Variants in GLI3 observed in about 807,000 individuals in gnomAD.
GLI3 encodes the protein transcription activator GLI3.
A neutral mutation model predicts 100.8 loss-of-function variants in GLI3; 20 were observed. That is an observed-to-expected ratio of 0.20 (90% CI 0.14 to 0.29). GLI3 has a LOEUF of 0.29. GLI3 is among the 10% of genes least tolerant of loss of function. The pLI is 1.00. For synonymous variants in GLI3, 938 were observed against 860.5 expected, an observed-to-expected ratio of 1.09 and a Z score of -1.58; for missense variants, 2,040 against 2,128.5, an observed-to-expected ratio of 0.96 and a Z score of 0.82.
chr7:42,149,308 T>A (rs1179477655), intron 2 of GLI3, among the ~76,000 whole-genome samples: 1 of 152,234 alleles, frequency 6.6e-6, no homozygotes, highest in Non-Finnish European at 1.5e-5. Context: ...AGAAACAGCT[T>A]GAAGAAATTC....
intron 2 of GLI3, among the ~76,000 whole-genome samples, chr7:42,208,223 T>C (rs892731016): frequency 1.3e-5 from 2 of 152,092 alleles, no homozygotes; most frequent in African/African-American, 4.8e-5. Flanking sequence ...GAGCAGGGAA[T>C]AGCATGGATG....
In GLI3 at chr7:41,965,795, G is replaced by A. The variant is rs777149082; in HGVS notation, c.3278C>T (p.Pro1093Leu). 2.0e-5 allele frequency: 33 copies of A among 1,613,410 alleles called. No individual in the cohort carries two copies. The highest frequency in any genetic ancestry group is 2.5e-5 in the Non-Finnish European group (29 of 1,179,972). The change falls in exon 15 of 15, where the codon CCG becomes CTG. Residue 1093 changes from proline to leucine, a missense_variant. Coordinates refer to ENST00000395925, the MANE Select transcript of GLI3 (RefSeq NM_000168.6). Reference sequence around the variant, plus strand: ...ATTTAAATACTGCACCACGTCGTCCGGCAGGAAATCCTCATCGTTCAGGTT... The same window carrying A: ...ATTTAAATACTGCACCACGTCGTCCAGCAGGAAATCCTCATCGTTCAGGTT... ...DANLNDEDFLPDDVVQYLNSQ... is the reference protein window; with the variant it reads ...DANLNDEDFLLDDVVQYLNSQ...
intron 4 of GLI3, among the ~76,000 whole-genome samples, chr7:42,063,084 C>T (rs1012140): frequency 6.6e-6 from 1 of 152,110 alleles, no homozygotes; most frequent in Non-Finnish European, 1.5e-5. Flanking sequence ...ATGCTTGCCT[C>T]CTTTATAAAC....
At chr7:42,025,231 T>G (rs1334239960) in intron 9 of GLI3, 33 bp downstream of exon 9, 1 of 1,409,724 alleles carries the variant, frequency 7.1e-7, no homozygotes, top group Non-Finnish European at 1.0e-6. Context: ...TTGGGAGGAG[T>G]GGGCGCTGGC....
chr7:42,113,264 T>C (rs1785760363), intron 3 of GLI3: 2 of 525,040 alleles, frequency 3.8e-6, no homozygotes, highest in Admixed American at 2.3e-5. Flanking sequence ...TACGGAGCAG[T>C]GTGAAGAAGA....
At chr7:42,180,084 A>C (rs1285364515) in intron 2 of GLI3, among the ~76,000 whole-genome samples, 1 of 152,056 alleles carries the variant, frequency 6.6e-6, no homozygotes, top group Admixed American at 6.5e-5. Flanking sequence ...CCAGGTCTGA[A>C]CTCTGTGCTC....
rs1270177594 is a variant in GLI3 at position 42,103,965 on chromosome 7, C to T, written c.368-27108G>A. Among the ~76,000 whole-genome samples, 7 of 152,156 alleles carry T rather than the reference C, an allele frequency of 4.6e-5. 1 individual carries two copies. Among genetic ancestry groups the T allele is most frequent in the Admixed American group, 1.3e-4 (2 of 15,274 alleles). ...TGATGGTGCTGATGATGATGTTAGG[C>T]ATGTGGGTGTCACGTGAGGGGCCAG... On this transcript the variant is annotated intron_variant, in intron 3 of 14. Transcript: ENST00000395925.
chr7:42,010,700 T>C (rs1788588315), intron 10 of GLI3, among the ~76,000 whole-genome samples: 1 of 152,178 alleles, frequency 6.6e-6, no homozygotes. Context: ...AATGCATACA[T>C]TTAATAGTTA....
chr7:42,171,832 A>G (rs1474720952), intron 2 of GLI3, among the ~76,000 whole-genome samples: 1 of 152,224 alleles, frequency 6.6e-6, no homozygotes, highest in Non-Finnish European at 1.5e-5. Context: ...AATAAAGAAA[A>G]GACCCAAGAC....
intron 2 of GLI3, among the ~76,000 whole-genome samples, chr7:42,217,580 G>A (rs975437928): frequency 3.9e-5 from 6 of 152,200 alleles, no homozygotes; most frequent in Non-Finnish European, 7.3e-5. Context: ...TCAAGGTTGA[G>A]GAAACTGAAA....
Position 41,972,483 on chromosome 7 carries a change from G to T in GLI3, c.1957C>A (p.Pro653Thr). ...TGTGAATGGCTGCCGGAATCTCTCGGGGGTGGCGGCCGAGGATGGATGTCC... is the reference window on the plus strand; with the variant it reads ...TGTGAATGGCTGCCGGAATCTCTCGTGGGTGGCGGCCGAGGATGGATGTCC... Reference protein sequence around the residue: ...RGDIHPRPPPPRDSGSHSQSR... With the variant: ...RGDIHPRPPPTRDSGSHSQSR... The change falls in exon 13 of 15, where the codon CCG (proline) becomes ACG (threonine). Residue 653 changes from proline (P) to threonine (T), a missense_variant. Coordinates refer to ENST00000395925, the MANE Select transcript of GLI3 (RefSeq NM_000168.6). This position sits in a 1 kb window ranked among gnomAD's most constrained non-coding sequence, Gnocchi z 4.4. 1.2e-6 allele frequency: 2 copies of T among 1,613,664 alleles called. No individual in the cohort carries two copies. The highest frequency in any genetic ancestry group is 1.1e-5 in the South Asian group (1 of 91,066).
At chr7:42,109,336 C>T (rs1030419086) in intron 3 of GLI3, among the ~76,000 whole-genome samples, 1 of 152,168 alleles carries the variant, frequency 6.6e-6, no homozygotes, top group African/African-American at 2.4e-5. Flanking sequence ...CAGGCAACCC[C>T]ATGTTTTGGA....
At chr7:42,070,256 T>C (rs1226393163) in intron 4 of GLI3, among the ~76,000 whole-genome samples, 1 of 152,202 alleles carries the variant, frequency 6.6e-6, no homozygotes, top group African/African-American at 2.4e-5. Context: ...GGTTACTCAA[T>C]AGGTACATTA....
In GLI3 at chr7:42,040,216, G is replaced by A. The variant is rs1424203778; in HGVS notation, c.850C>T (p.Leu284=). 1.9e-6 allele frequency: 3 copies of A among 1,613,686 alleles called. No individual in the cohort carries two copies. The highest frequency in any genetic ancestry group is 1.3e-5 in the African/African-American group (1 of 75,024). ...MDSTRFSSPR[L]SARPSRKRTL... Reference sequence around the variant, plus strand: ...CGTTTTCGGCTCGGCCTGGCTGACAGCCTGGGGCTGGAGAATCTGGTGCCT... The same window carrying A: ...CGTTTTCGGCTCGGCCTGGCTGACAACCTGGGGCTGGAGAATCTGGTGCCT... The change falls in exon 7 of 15, where the codon CTG becomes TTG. Residue 284 remains leucine (L), a synonymous_variant. Coordinates refer to ENST00000395925, the MANE Select transcript of GLI3 (RefSeq NM_000168.6).
intron 1 of GLI3, among the ~76,000 whole-genome samples, chr7:42,256,695 G>C (rs1210381085): frequency 6.6e-6 from 1 of 152,102 alleles, no homozygotes; most frequent in Non-Finnish European, 1.5e-5. Context: ...TTTAGAGTAA[G>C]TTTTGAAATT....
chr7:41,981,184 C>G (rs576871286), intron 10 of GLI3, among the ~76,000 whole-genome samples: 24 of 152,314 alleles, frequency 1.6e-4, no homozygotes, highest in African/African-American at 5.3e-4. Context: ...GTGAGGGCCA[C>G]GCATGGCAGG....
intron 6 of GLI3, among the ~76,000 whole-genome samples, chr7:42,044,371 C>T (rs1187177016): frequency 1.3e-5 from 2 of 152,198 alleles, no homozygotes; most frequent in South Asian, 2.1e-4. Flanking sequence ...GCCTTGCAAA[C>T]GGATGTGTCC....
At chr7:42,155,887 T>C (rs1404937595) in intron 2 of GLI3, among the ~76,000 whole-genome samples, 1 of 152,146 alleles carries the variant, frequency 6.6e-6, no homozygotes, top group East Asian at 1.9e-4. Context: ...GTCTGAAGCT[T>C]CAGCAAGTAT....
intron 1 of GLI3, among the ~76,000 whole-genome samples, chr7:42,259,540 G>A (rs187699041): frequency 1.3e-5 from 2 of 152,270 alleles, no homozygotes; most frequent in East Asian, 3.9e-4. Context: ...CTAGTACAGT[G>A]CCTGACACAT....
Sources: allele counts gnomAD v4.1 joint callset (sites outside exome capture counted in the v4.1 genomes callset), GRCh38; gene constraint gnomAD v4.1.1; non-coding constraint Gnocchi (gnomAD v3.1); transcripts MANE v1.5; gene names NCBI Gene and HGNC (gene_info 2026-07-23, HGNC 2026-07-21).